RNASE11: variants seen among roughly 807,000 people sequenced by gnomAD.
The protein encoded by RNASE11 is ribonuclease A family member 11 (inactive).
For synonymous variants in RNASE11, 105 were observed against 86.1 expected (o/e 1.22, Z -1.21); for missense variants, 252 against 237.8 (o/e 1.06, Z -0.39).
intron 1 of RNASE11, chr14:20,585,019 G>A: frequency 1.0e-6 from 1 of 955,476 alleles, no homozygotes; most frequent in Non-Finnish European, 1.2e-6. Flanking sequence ...TAAGATTTCT[G>A]TCTTTACCAG....
At chr14:20,589,504 C>G (rs1328277328), upstream of RNASE11, among the ~76,000 whole-genome samples, 1 of 151,898 alleles carries the variant, frequency 6.6e-6, no homozygotes, top group East Asian at 2.0e-4. Flanking sequence ...CCACCCGCCT[C>G]GGCCTCCCAA....
At chr14:20,584,480 A>G in exon 2 of RNASE11, 1 of 1,575,050 alleles carries the variant, frequency 6.3e-7, no homozygotes, top group Non-Finnish European at 8.6e-7. Flanking sequence ...TCCATCTCAG[A>G]TGTAGTGTAA....
At chr14:20,586,001 C>T (rs955233941) in intron 1 of RNASE11, among the ~76,000 whole-genome samples, 2 of 152,050 alleles carry the variant, frequency 1.3e-5, no homozygotes, top group Non-Finnish European at 2.9e-5. Flanking sequence ...CCTAATCACC[C>T]CTTCCTGACC....
downstream of RNASE11, chr14:20,583,292 TG>T (rs1464984437): frequency 6.6e-6 from 1 of 152,312 alleles, no homozygotes; most frequent in Non-Finnish European, 1.5e-5. Flanking sequence ...GAGATGGGGG[TG>T]GAAGAATGGA....
chr14:20,590,072 A>G (rs538656161), upstream of RNASE11: 29 of 1,000,950 alleles, frequency 2.9e-5, no homozygotes, highest in Non-Finnish European at 3.8e-5. Context: ...CACATGTAGA[A>G]TTTATGGTTT....
upstream of RNASE11, chr14:20,590,013 G>T: frequency 1.8e-6 from 1 of 556,756 alleles, no homozygotes; most frequent in South Asian, 3.0e-5. Flanking sequence ...CTTAATCTCA[G>T]TCCTGTTTCT....
At chr14:20,586,741 A>G (rs1411742004) in intron 1 of RNASE11, among the ~76,000 whole-genome samples, 1 of 152,230 alleles carries the variant, frequency 6.6e-6, no homozygotes, top group Non-Finnish European at 1.5e-5. Flanking sequence ...GGAGAAAGAT[A>G]AACAGGAAGA....
chr14:20,584,574 C>T, intron 1 of RNASE11, 78 bp from the exon 3 acceptor site: 1 of 1,221,006 alleles, frequency 8.2e-7, no homozygotes, highest in South Asian at 1.6e-5. Context: ...ACAGTTATTC[C>T]TGGTAGGGAC....
At chr14:20,589,344 C>G (rs1419441559), upstream of RNASE11, among the ~76,000 whole-genome samples, 1 of 151,434 alleles carries the variant, frequency 6.6e-6, no homozygotes, top group Non-Finnish European at 1.5e-5. Context: ...AACTCCGCCT[C>G]CTGGGTTCAC....
At chr14:20,586,702 G>A (rs186623613) in intron 1 of RNASE11, among the ~76,000 whole-genome samples, 121 of 152,324 alleles carry the variant, frequency 7.9e-4, no homozygotes, top group Non-Finnish European at 1.4e-3. Flanking sequence ...CAGTAGTGAG[G>A]TGACAATAGG....
upstream of RNASE11, among the ~76,000 whole-genome samples, chr14:20,589,721 T>C (rs1261107055): frequency 6.6e-6 from 1 of 151,866 alleles, no homozygotes; most frequent in East Asian, 2.0e-4. Flanking sequence ...ACCTCATCTC[T>C]ACTAAAAATA....
intron 1 of RNASE11, among the ~76,000 whole-genome samples, chr14:20,586,891 TG>T (rs1211223985): frequency 6.6e-6 from 1 of 152,262 alleles, no homozygotes; most frequent in Non-Finnish European, 1.5e-5. Flanking sequence ...CACTCATGCC[TG>T]TGGTCTCATT....
At chr14:20,587,245 G>T (rs1401891536) in intron 1 of RNASE11, among the ~76,000 whole-genome samples, 2 of 152,238 alleles carry the variant, frequency 1.3e-5, no homozygotes, top group East Asian at 3.9e-4. Context: ...TGTCTAAAAT[G>T]TCACAATTCA....
At chr14:20,583,923 C>A in exon 2 of RNASE11, 1 of 1,613,936 alleles carries the variant, frequency 6.2e-7, no homozygotes, top group South Asian at 1.1e-5. Flanking sequence ...AATGACCTGT[C>A]AGCACTGTCA....
rs141115629 is a variant in RNASE11, at chr14:20,587,063, G to A, written c.-23+500C>T. On this transcript the variant is annotated intron_variant, in intron 1 of 1. Transcript: ENST00000553849. Reference sequence around the variant, plus strand: ...AGCCACTCGGGAGGCTGAGAGGAGAGGATTTCTTGAGCCCAAAAGTCTGAG... The same window carrying A: ...AGCCACTCGGGAGGCTGAGAGGAGAAGATTTCTTGAGCCCAAAAGTCTGAG... Among the ~76,000 whole-genome samples the A allele has an allele frequency of 5.2e-3, 791 of 152,300 alleles. 7 individuals are homozygous for A. Among genetic ancestry groups the A allele is most frequent in the African/African-American group, 0.018 (754 of 41,552 alleles).
chr14:20,585,197 G>A (rs919506937), intron 1 of RNASE11: 4 of 456,554 alleles, frequency 8.8e-6, no homozygotes, highest in African/African-American at 8.6e-5. Context: ...AGACCACGTG[G>A]AACCAAGGAA....
At chr14:20,585,172 T>C in intron 1 of RNASE11, 2 of 746,582 alleles carry the variant, frequency 2.7e-6, no homozygotes, top group Non-Finnish European at 3.3e-6. Flanking sequence ...TAGGGTTGTA[T>C]GAGATTGACT....
upstream of RNASE11, among the ~76,000 whole-genome samples, chr14:20,589,060 T>C (rs1884499573): frequency 6.6e-6 from 1 of 152,138 alleles, no homozygotes; most frequent in Non-Finnish European, 1.5e-5. Context: ...GTGCTGGGAT[T>C]ACAGGCATGA....
At chr14:20,586,562 A>G (rs2138890358) in intron 1 of RNASE11, among the ~76,000 whole-genome samples, 1 of 152,370 alleles carries the variant, frequency 6.6e-6, no homozygotes, top group East Asian at 1.9e-4. Context: ...AGAATTAAGT[A>G]TATGTGTCCA....
Sources: gnomAD v4.1 joint callset for allele counts (sites outside exome capture counted in the v4.1 genomes callset) on GRCh38, gnomAD v4.1.1 for gene constraint, MANE v1.5 for transcripts, NCBI Gene and HGNC (gene_info 2026-07-23, HGNC 2026-07-21) for gene names.